The following ZNF420 variants were observed in gnomAD, a reference collection of about 807,000 sequenced individuals.
The protein encoded by ZNF420 is zinc finger protein 420, also known as ATM and p53-associated KZNF protein.
ZNF420 carries 31 observed loss-of-function variants against 44.7 expected under a neutral mutation model. That is an observed-to-expected ratio of 0.69 (90% CI 0.52 to 0.94). The LOEUF is 0.94. Ranked by LOEUF, ZNF420 falls within the 40% of genes least tolerant of loss-of-function variation. The pLI is 0.00. For missense variants in ZNF420, 681 were observed against 827.9 expected, an observed-to-expected ratio of 0.82 and a Z score of 2.18; for synonymous variants, 245 against 267.4, an observed-to-expected ratio of 0.92 and a Z score of 0.82.
intron 1 of ZNF420, among the ~76,000 whole-genome samples, chr19:37,062,416 C>T (rs745397267): frequency 1.3e-5 from 2 of 152,110 alleles, no homozygotes; most frequent in African/African-American, 4.8e-5. Flanking sequence ...TATTTTACTT[C>T]GTGTCCATGA....
chr19:37,115,875 G>A (rs7259422), intron 4 of ZNF420, among the ~76,000 whole-genome samples: 3,674 of 152,210 alleles, frequency 0.024, 162 homozygotes, highest in African/African-American at 0.083. Context: ...CTTCCACAGT[G>A]TATTGTGTCC....
intron 1 of ZNF420, among the ~76,000 whole-genome samples, chr19:37,049,013 A>G (rs895702253): frequency 6.6e-6 from 1 of 152,068 alleles, no homozygotes; most frequent in Non-Finnish European, 1.5e-5. Flanking sequence ...GATAGTTTCC[A>G]GCTTCATCCA....
chr19:37,114,855 C>CT (rs1970573977), intron 4 of ZNF420: 1 of 152,148 alleles, frequency 6.6e-6, no homozygotes, highest in Non-Finnish European at 1.5e-5. Context: ...ACCCTCCCTA[C>CT]TTGCTTGTTT....
At chr19:37,116,267 G>T (rs1321748416) in intron 4 of ZNF420, among the ~76,000 whole-genome samples, 3 of 150,966 alleles carry the variant, frequency 2.0e-5, no homozygotes, top group Non-Finnish European at 4.4e-5. Flanking sequence ...CTACCTTGGA[G>T]CTGAGGCAAG....
At chr19:37,065,344 G>A (rs1031444413) in intron 1 of ZNF420, among the ~76,000 whole-genome samples, 3 of 152,210 alleles carry the variant, frequency 2.0e-5, no homozygotes, top group African/African-American at 7.2e-5. Context: ...CATGTTCCAA[G>A]ACTCTTTTAC....
At chr19:37,095,171 A>G (rs1258776886) in intron 4 of ZNF420, among the ~76,000 whole-genome samples, 1 of 151,658 alleles carries the variant, frequency 6.6e-6, no homozygotes, top group Non-Finnish European at 1.5e-5. Flanking sequence ...TGATTTGTAG[A>G]TGAAAAACAG....
intron 1 of ZNF420, among the ~76,000 whole-genome samples, chr19:37,060,557 G>A (rs987437907): frequency 6.6e-6 from 1 of 152,170 alleles, no homozygotes; most frequent in Non-Finnish European, 1.5e-5. Flanking sequence ...GTCCATCAGG[G>A]AGAAACTTCA....
intron 1 of ZNF420, among the ~76,000 whole-genome samples, chr19:37,029,945 A>G (rs142027361): frequency 1.3e-3 from 191 of 152,302 alleles, no homozygotes; most frequent in Non-Finnish European, 2.2e-3. Context: ...ACAGGTACCC[A>G]CATTTTTTGG....
intron 1 of ZNF420, among the ~76,000 whole-genome samples, chr19:37,045,404 A>C (rs1256208784): frequency 1.3e-5 from 2 of 152,228 alleles, no homozygotes; most frequent in African/African-American, 4.8e-5. Context: ...TCTTTGAAGT[A>C]TTTCACAGAC....
Position 37,128,536 on chromosome 19 carries a change from T to C in ZNF420, c.1545T>C (p.Ser515=). 1 of 1,611,072 alleles carries C rather than the reference T, an allele frequency of 6.2e-7. No homozygotes were observed. Among genetic ancestry groups the C allele is most frequent in the Admixed American group, 1.7e-5 (1 of 59,762 alleles). The change falls in exon 5 of 5, where the codon AGT becomes AGC. Residue 515 remains serine, a synonymous_variant. Coordinates refer to ENST00000337995, the MANE Select transcript of ZNF420 (RefSeq NM_144689.5). ...AATGTAGAATGGCCTTTACTCAGAG[T>C]TCACATCTTTCCCAACATCAAAGAC... ...CKECRMAFTQ[S]SHLSQHQRLH... is the part of the protein sequence containing the mutation.
chr19:37,076,872 T>C (rs937792467), upstream of ZNF420, among the ~76,000 whole-genome samples: 1 of 152,176 alleles, frequency 6.6e-6, no homozygotes, highest in Admixed American at 6.5e-5. Flanking sequence ...TTGCCTGACT[T>C]TGACCCACTC....
chr19:37,045,268 A>G (rs1337491670), intron 1 of ZNF420, among the ~76,000 whole-genome samples: 1 of 152,260 alleles, frequency 6.6e-6, no homozygotes, highest in Non-Finnish European at 1.5e-5. Context: ...TGTTAACAAT[A>G]TACTATTTTC....
At chr19:37,024,438 A>G (rs935946659) in intron 1 of ZNF420, among the ~76,000 whole-genome samples, 13 of 151,852 alleles carry the variant, frequency 8.6e-5, no homozygotes, top group Non-Finnish European at 1.5e-4. Flanking sequence ...TTGGGTTCAC[A>G]AAGGGATTTT....
chr19:37,076,645 T>C (rs893702402), upstream of ZNF420, among the ~76,000 whole-genome samples: 4 of 152,324 alleles, frequency 2.6e-5, no homozygotes, highest in Middle Eastern at 3.4e-3. Context: ...GTCCTTGCGA[T>C]AGTTTGCTAA....
intron 4 of ZNF420, among the ~76,000 whole-genome samples, chr19:37,122,159 C>T (rs907987257): frequency 1.3e-5 from 2 of 152,134 alleles, no homozygotes; most frequent in Non-Finnish European, 2.9e-5. Context: ...AAGACACATG[C>T]ACACGTATGT....
chr19:37,035,346 A>G lies in ZNF420; in HGVS notation c.-125+27264A>G, dbSNP rs546170550. Among the ~76,000 whole-genome samples, 106 of 152,302 alleles carry G rather than the reference A, an allele frequency of 7.0e-4. 2 individuals are homozygous for G. Among genetic ancestry groups the G allele is most frequent in the Non-Finnish European group, 1.2e-3 (81 of 68,028 alleles). On this transcript the variant is annotated intron_variant, in intron 1 of 4. Coordinates refer to the ZNF420 transcript ENST00000587029. ...CAAATAAACTCTTTAAAATTTTAAT[A>G]TGCTCAAGTTTATATTTTTTTTCCA...
intron 1 of ZNF420, among the ~76,000 whole-genome samples, chr19:37,040,621 A>C (rs542581697): frequency 6.6e-6 from 1 of 152,346 alleles, no homozygotes; most frequent in South Asian, 2.1e-4. Flanking sequence ...ATTCAAACTC[A>C]AAAAGAGAAA....
At chr19:37,125,880 A>G (rs1022025140) in intron 4 of ZNF420, among the ~76,000 whole-genome samples, 8 of 152,182 alleles carry the variant, frequency 5.3e-5, no homozygotes, top group Non-Finnish European at 2.9e-5. Context: ...ATTCCTCAGT[A>G]TAGCTCTCAG....
chr19:37,119,810 G>A (rs1339669409), intron 4 of ZNF420, among the ~76,000 whole-genome samples: 2 of 152,204 alleles, frequency 1.3e-5, no homozygotes, highest in Non-Finnish European at 2.9e-5. Context: ...CAATCCCACA[G>A]AAATACAAAC....
Sources: allele counts gnomAD v4.1 joint callset (sites outside exome capture counted in the v4.1 genomes callset), GRCh38; gene constraint gnomAD v4.1.1; transcripts MANE v1.5; gene names NCBI Gene and HGNC (gene_info 2026-07-23, HGNC 2026-07-21).